Variants in CEP43 observed in about 807,000 individuals in gnomAD.
CEP43 encodes FGFR1 oncogene partner.
In CEP43, 36 loss-of-function variants were observed where a neutral mutation model predicts 52.6. That is an observed-to-expected ratio of 0.68 (90% confidence interval 0.52 to 0.90). The LOEUF (loss-of-function observed/expected upper bound fraction) is 0.90. CEP43 is among the 40% of genes least tolerant of loss of function. The pLI, the probability that CEP43 is intolerant of heterozygous loss-of-function variation, is 0.00. For missense variants in CEP43, 506 were observed against 472.8 expected (o/e 1.07, Z -0.65); for synonymous variants, 192 against 172.4 (o/e 1.11, Z -0.89).
chr6:167,030,495 C>T (rs938230077), intron 10 of CEP43, among the ~76,000 whole-genome samples: 3 of 152,214 alleles, frequency 2.0e-5, no homozygotes, highest in African/African-American at 7.2e-5. Flanking sequence ...GCTCTTGATT[C>T]TCAAGAGGAG....
chr6:167,043,855 AAAATGTAAT>A lies in CEP43; in HGVS notation c.*3878_*3886del, dbSNP rs1780751499. The A allele has an allele frequency of 6.6e-6, 1 of 152,256 alleles. No individual in the cohort carries two copies. Among genetic ancestry groups the A allele is most frequent in the Non-Finnish European group, 1.5e-5 (1 of 68,040 alleles). 9.4% of individuals were successfully genotyped at this position (152,256 alleles called of 1,614,324 possible). On this transcript the variant is annotated 3_prime_UTR_variant, in exon 13 of 13. Transcript: ENST00000366847. Reference sequence around the variant, plus strand: ...GATGAACAAAGAACTGATCTTGAAGAAAATGTAATCAGGAAACGAGATAATTCAAGAACA... The same window carrying A: ...GATGAACAAAGAACTGATCTTGAAGACAGGAAACGAGATAATTCAAGAACA...
At position 167,040,140 on chromosome 6, in the gene CEP43, A is replaced by G. The variant is rs1241672687; in HGVS notation, c.*162A>G. 8 of 1,547,220 alleles carry G rather than the reference A, an allele frequency of 5.2e-6. No homozygotes were observed. Among genetic ancestry groups the G allele is most frequent in the Non-Finnish European group, 7.0e-6 (8 of 1,147,740 alleles). On this transcript the variant is annotated 3_prime_UTR_variant, in exon 13 of 13. Transcript: ENST00000366847. Reference sequence around the variant, plus strand: ...TTTAAAAGTAATTTTCATTTTACTAAACAAAATACTTCCTATTTGAGCCCA... The same window carrying G: ...TTTAAAAGTAATTTTCATTTTACTAGACAAAATACTTCCTATTTGAGCCCA...
rs1554277254 is a variant in CEP43, at chr6:167,042,839, T to TGTGTGTGTGTGTGTGTG, written c.*2861_*2862insGTGTGTGTGTGTGTGTG. The TGTGTGTGTGTGTGTGTG allele has an allele frequency of 1.5e-4, 23 of 153,188 alleles. No individual in the cohort carries two copies. The highest frequency in any genetic ancestry group is 3.8e-4 in the East Asian group (2 of 5,250). 9.5% of individuals were successfully genotyped at this position (153,188 alleles called of 1,614,324 possible). A position where few individuals can be genotyped will look rare whatever the true frequency, so the allele number is the denominator to read the frequency against. ...TTGTGTGTGTGTGTGTGTGTGTGTG[T>TGTGTGTGTGTGTGTGTG]TTAACTATGAGCTCGTGAGAACAGG... On this transcript the variant is annotated 3_prime_UTR_variant, in exon 13 of 13. Coordinates refer to ENST00000366847, the MANE Select transcript of CEP43 (RefSeq NM_007045.4).
At chr6:167,002,714 A>G (rs1779765709) in intron 2 of CEP43, among the ~76,000 whole-genome samples, 1 of 152,222 alleles carries the variant, frequency 6.6e-6, no homozygotes, top group South Asian at 2.1e-4. Context: ...TATTTTTTCC[A>G]TACTTATTCA....
At chr6:167,024,745 A>T (rs527422006) in intron 8 of CEP43, 37 bp from the exon 9 acceptor site, 1 of 1,435,230 alleles carries the variant, frequency 7.0e-7, no homozygotes, top group South Asian at 1.2e-5. Context: ...GTGGCAGAAC[A>T]TAAGAGCACC....
At chr6:167,013,092 C>T (rs1780020133) in intron 6 of CEP43, among the ~76,000 whole-genome samples, 1 of 152,176 alleles carries the variant, frequency 6.6e-6, no homozygotes, top group South Asian at 2.1e-4. Context: ...GCTAGAAACT[C>T]TCCAAGAGTA....
In CEP43 at chr6:167,048,909, T is replaced by C. The variant is rs936741056; in HGVS notation, c.*8931T>C. 1 of 152,212 alleles carries C rather than the reference T, an allele frequency of 6.6e-6. No homozygotes were observed. The highest frequency in any genetic ancestry group is 1.5e-5 in the Non-Finnish European group (1 of 68,036). The allele number at this position is 152,212 out of a possible 1,614,324, so 9.4% of individuals were successfully genotyped here. A position where few individuals can be genotyped will look rare whatever the true frequency, so the allele number is the denominator to read the frequency against. ...AAAAAGGTTTCCAGAAATGTGACAA[T>C]TCTAGTACTTTCATGACATTTTAAA... On this transcript the variant is annotated 3_prime_UTR_variant, in exon 13 of 13. Transcript: ENST00000366847.
At chr6:167,015,323 T>C (rs1780069681) in intron 7 of CEP43, among the ~76,000 whole-genome samples, 3 of 152,252 alleles carry the variant, frequency 2.0e-5, no homozygotes, top group Non-Finnish European at 4.4e-5. Context: ...TTGTACCCCA[T>C]GTGGCCTATT....
At chr6:167,016,993 T>TATTTA (rs964048037) in intron 7 of CEP43, among the ~76,000 whole-genome samples, 1 of 149,668 alleles carries the variant, frequency 6.7e-6, no homozygotes, top group Non-Finnish European at 1.5e-5. Context: ...TTTATTTATT[T>TATTTA]TTTTTTTTTT....
At chr6:167,021,346 C>CT (rs1780227721) in intron 7 of CEP43, among the ~76,000 whole-genome samples, 1 of 152,144 alleles carries the variant, frequency 6.6e-6, no homozygotes, top group South Asian at 2.1e-4. Flanking sequence ...TCTCTGGAGA[C>CT]TTTGACAAGT....
At chr6:166,999,581 A>G in intron 1 of CEP43, 67 bp downstream of exon 1, 1 of 1,194,158 alleles carries the variant, frequency 8.4e-7, no homozygotes, top group Non-Finnish European at 1.1e-6. Flanking sequence ...GGGCGTCACA[A>G]CGGTCGCGGC....
intron 1 of CEP43, 183 bp from the exon 2 acceptor site, chr6:166,999,877 G>T (rs1779690894): frequency 3.4e-6 from 2 of 580,226 alleles, no homozygotes; most frequent in African/African-American, 1.9e-5. Context: ...AAAGCAGCGC[G>T]TCCAGCCGAA....
chr6:167,030,616 C>T (rs947254709), intron 10 of CEP43, among the ~76,000 whole-genome samples: 1 of 152,164 alleles, frequency 6.6e-6, no homozygotes, highest in Non-Finnish European at 1.5e-5. Context: ...TCTTCGTTTG[C>T]TGATATTCTT....
Position 167,003,549 on chromosome 6 carries a change from A to T in CEP43, c.212-174A>T, listed in dbSNP as rs1435607984. 5 of 559,964 alleles carry T rather than the reference A, an allele frequency of 8.9e-6. No homozygotes were observed. In the South Asian group the frequency reaches 1.3e-4, roughly 14 times the overall value. The allele number at this position is 559,964 out of a possible 1,614,324, so 34.7% of individuals were successfully genotyped here. Reference sequence around the variant, plus strand: ...TACAGACTGATGATCCCAGTGAAAAAATCAGGAGATTGAGATTTTCATTAC... The same window carrying T: ...TACAGACTGATGATCCCAGTGAAAATATCAGGAGATTGAGATTTTCATTAC... On this transcript the variant is annotated intron_variant, in intron 3 of 12. Transcript: ENST00000366847.
chr6:167,029,935 A>G (rs141309168), intron 10 of CEP43, among the ~76,000 whole-genome samples: 3,081 of 152,324 alleles, frequency 0.02, 53 homozygotes, highest in East Asian at 0.092. Context: ...CTTCTTAAGC[A>G]TGGGGGAGAT....
Position 167,051,563 on chromosome 6 carries a change from A to G in CEP43, c.*11585A>G, listed in dbSNP as rs1366896703. ...TGAAACTTTTATTGTTAAATTATGTATTTATTCCTTTAGTTCTGTCATGTT... is the reference window on the plus strand; with the variant it reads ...TGAAACTTTTATTGTTAAATTATGTGTTTATTCCTTTAGTTCTGTCATGTT... On this transcript the variant is annotated 3_prime_UTR_variant, in exon 13 of 13. Transcript: ENST00000366847. The G allele has an allele frequency of 6.6e-6, 1 of 152,172 alleles. No individual in the cohort carries two copies. Among genetic ancestry groups the G allele is most frequent in the Non-Finnish European group, 1.5e-5 (1 of 68,018 alleles). The allele number at this position is 152,172 out of a possible 1,614,324, so 9.4% of individuals were successfully genotyped here.
intron 5 of CEP43, among the ~76,000 whole-genome samples, chr6:167,006,102 A>G (rs764061263): frequency 4.6e-5 from 7 of 152,176 alleles, no homozygotes; most frequent in Non-Finnish European, 7.4e-5. Flanking sequence ...TATCGCGCCT[A>G]CAGGTCTGGA....
intron 2 of CEP43, among the ~76,000 whole-genome samples, chr6:167,001,754 G>A (rs1779741407): frequency 6.6e-6 from 1 of 152,116 alleles, no homozygotes; most frequent in African/African-American, 2.4e-5. Flanking sequence ...GTGTCCCCAA[G>A]GGAGTGCTCT....
intron 12 of CEP43, among the ~76,000 whole-genome samples, chr6:167,035,019 G>A (rs1230260211): frequency 1.3e-5 from 2 of 152,158 alleles, no homozygotes; most frequent in East Asian, 1.9e-4. Flanking sequence ...GAGAGGACTC[G>A]AAGAAATGAC....
Sources: gnomAD v4.1 joint callset for allele counts (sites outside exome capture counted in the v4.1 genomes callset) on GRCh38, gnomAD v4.1.1 for gene constraint, MANE v1.5 for transcripts, NCBI Gene and HGNC (gene_info 2026-07-23, HGNC 2026-07-21) for gene names.